The following IFT172 variants were observed in gnomAD, a reference collection of about 807,000 sequenced individuals.
IFT172 encodes intraflagellar transport 172, also known as intraflagellar transport protein 172 homolog.
Under a neutral mutation model 248.9 loss-of-function variants are expected in IFT172, and 164 were observed. That is an observed-to-expected ratio of 0.66 (90% CI 0.58 to 0.75). The LOEUF (loss-of-function observed/expected upper bound fraction) is 0.75, where lower values mean the gene tolerates loss of function less well. Ranked by LOEUF, IFT172 falls within the 30% of genes least tolerant of loss-of-function variation. The pLI, the probability that IFT172 is intolerant of heterozygous loss-of-function variation, is 0.00. For synonymous variants in IFT172, 729 were observed against 791.6 expected, an observed-to-expected ratio of 0.92 and a Z score of 1.33; for missense variants, 1,950 against 2,192.4, an observed-to-expected ratio of 0.89 and a Z score of 2.21.
chr2:27,470,173 A>G (rs1002369169), intron 16 of IFT172, among the ~76,000 whole-genome samples: 3 of 151,366 alleles, frequency 2.0e-5, no homozygotes, highest in Admixed American at 1.3e-4. Flanking sequence ...TGAGCCCAGG[A>G]GGCTGAGCTG....
Position 27,480,143 on chromosome 2 carries a change from C to T in IFT172, c.792G>A (p.Arg264=), listed in dbSNP as rs138730915. ...SVVLGSYDRL[R]VFNWIPRRSI... is the part of the protein sequence containing the mutation. The stretch of plus-strand genomic sequence containing the variant: ...TTCTTCGAGGGATCCAGTTGAACAC[C>T]CGAAGCCTGAAATAAAGTATGTGGC... Residue 264 remains arginine (R), a synonymous_variant, in exon 9 of 48, where the codon CGG becomes CGA. Transcript: ENST00000260570. 6.0e-5 allele frequency: 96 copies of T among 1,613,370 alleles called. No homozygotes were observed. In the Middle Eastern group the frequency reaches 6.6e-4, roughly 11 times the overall value.
chr2:27,483,697 A>C, intron 5 of IFT172, 38 bp from the exon 6 acceptor site: 1 of 1,604,398 alleles, frequency 6.2e-7, no homozygotes, highest in Non-Finnish European at 8.5e-7. Flanking sequence ...TGGTTAGGCT[A>C]TTTTATATTT....
intron 42 of IFT172, among the ~76,000 whole-genome samples, 190 bp downstream of exon 42, chr2:27,447,325 C>T (rs1007332695): frequency 1.3e-5 from 2 of 152,122 alleles, no homozygotes; most frequent in Non-Finnish European, 2.9e-5. Flanking sequence ...GGGCACAGAG[C>T]CCTAAAAAGG....
chr2:27,462,321 C>T (rs1666743795), intron 20 of IFT172, among the ~76,000 whole-genome samples: 1 of 152,154 alleles, frequency 6.6e-6, no homozygotes, highest in South Asian at 2.1e-4. Context: ...GTGTGAGCCA[C>T]CACGCCTGGC....
At chr2:27,451,989 GTATATATA>G (rs68147754) in intron 35 of IFT172, among the ~76,000 whole-genome samples, 9 of 148,510 alleles carry the variant, frequency 6.1e-5, no homozygotes, top group African/African-American at 1.2e-4. Flanking sequence ...ATGTGTGTGT[GTATATATA>G]TATATATATA....
chr2:27,475,934 G>C (rs1343597564), intron 14 of IFT172, among the ~76,000 whole-genome samples: 1 of 151,898 alleles, frequency 6.6e-6, no homozygotes, highest in Non-Finnish European at 1.5e-5. Context: ...GCCTGGCCCA[G>C]AGCCCCATTT....
At position 27,447,631 on chromosome 2, in the gene IFT172, C is replaced by T; in HGVS notation, c.4543G>A (p.Glu1515Lys). The change falls in exon 42 of 48, where the codon GAA becomes AAA. Residue 1515 changes from glutamate to lysine, a missense_variant. Transcript: ENST00000260570. The stretch of plus-strand genomic sequence containing the variant: ...GCCTCACTGGACTTCACCAGGTTTT[C>T]ACACTAGAGGAGGGAGACAGCACAG... ...DLRDVLFNLC[E>K]NLVKSSEANS... 2 of 1,614,160 alleles carry T rather than the reference C, an allele frequency of 1.2e-6. No individual in the cohort carries two copies. Among genetic ancestry groups the T allele is most frequent in the South Asian group, 1.1e-5 (1 of 91,086 alleles).
intron 30 of IFT172, chr2:27,455,779 C>T: frequency 2.1e-6 from 1 of 473,844 alleles, no homozygotes; most frequent in Non-Finnish European, 4.0e-6. Flanking sequence ...TTTTATTGTA[C>T]TGACAACCTC....
intron 25 of IFT172, 137 bp from the exon 26 acceptor site, chr2:27,459,005 G>A: frequency 1.2e-6 from 1 of 833,740 alleles, no homozygotes; most frequent in South Asian, 1.9e-5. Flanking sequence ...GAAAAGATGA[G>A]TATGGGTGTC....
chr2:27,477,919 CT>C (rs1053226673), intron 11 of IFT172, 75 bp downstream of exon 11: 2 of 1,568,568 alleles, frequency 1.3e-6, no homozygotes, highest in African/African-American at 2.7e-5. Flanking sequence ...GAGCTTACCC[CT>C]AGGGATTTTG....
chr2:27,480,210 C>T (rs528593227), intron 8 of IFT172, 61 bp from the exon 9 acceptor site: 10 of 1,531,744 alleles, frequency 6.5e-6, no homozygotes, highest in African/African-American at 5.5e-5. Context: ...TGCAAATGGG[C>T]TGATAACCAA....
At position 27,454,716 on chromosome 2, in the gene IFT172, G is replaced by T. The variant is rs1185232333; in HGVS notation, c.3372-56C>A. 1.0e-5 allele frequency: 15 copies of T among 1,456,160 alleles called. No individual in the cohort carries two copies. Among genetic ancestry groups the T allele is most frequent in the African/African-American group, 2.8e-5 (2 of 71,690 alleles). The allele number at this position is 1,456,160 out of a possible 1,614,324, so 90.2% of individuals were successfully genotyped here. The stretch of plus-strand genomic sequence containing the variant: ...TGCTTCATGCTTCCCTTCATAAAAG[G>T]AACAAGACAAAACAGAGAAAGGACA... On this transcript the variant is annotated intron_variant, in intron 30 of 47. Transcript: ENST00000260570. This position sits in a 1 kb window ranked among gnomAD's most constrained non-coding sequence, Gnocchi z 4.2.
Position 27,446,300 on chromosome 2 carries a change from G to A in IFT172, c.4715C>T (p.Pro1572Leu). 1 of 1,614,228 alleles carries A rather than the reference G, an allele frequency of 6.2e-7. No individual in the cohort carries two copies. The highest frequency in any genetic ancestry group is 8.5e-7 in the Non-Finnish European group (1 of 1,180,042). Residue 1572 changes from proline to leucine, a missense_variant, in exon 43 of 48, where the codon CCT becomes CTT. Coordinates refer to ENST00000260570, the MANE Select transcript of IFT172 (RefSeq NM_015662.3). ...VSLLRHTQLL[P>L]VDKAFYEAGI... ...TGCTTCATAGAAGGCTTTGTCTACA[G>A]GTAGTAGCTGGGTGTGACGCAAGAG...
chr2:27,463,850 A>AG (rs1297236126), intron 18 of IFT172, among the ~76,000 whole-genome samples: 3 of 152,164 alleles, frequency 2.0e-5, no homozygotes, highest in Non-Finnish European at 4.4e-5. Context: ...AAAGGATGCC[A>AG]GTGTGGTTGG....
In IFT172 at chr2:27,461,772, A is replaced by G. The variant is rs1426370080; in HGVS notation, c.2180T>C (p.Val727Ala). The stretch of plus-strand genomic sequence containing the variant: ...TAAAACAGGTACCTTGGCTTCAGCC[A>G]CAGCGATACACTCATCCCAACGGTG... Reference protein sequence around the residue: ...ELHRWDECIAVAEAKGHPALE... With the variant: ...ELHRWDECIAAAEAKGHPALE... Residue 727 changes from valine (V) to alanine (A), a missense_variant, in exon 21 of 48, where the codon GTG (valine) becomes GCG (alanine). Val to Ala is a moderately conservative substitution (Grantham distance 64, BLOSUM62 0). Coordinates refer to ENST00000260570, the MANE Select transcript of IFT172 (RefSeq NM_015662.3). The G allele has an allele frequency of 6.2e-7, 1 of 1,614,206 alleles. No individual in the cohort carries two copies. The highest frequency in any genetic ancestry group is 8.5e-7 in the Non-Finnish European group (1 of 1,180,034).
chr2:27,465,760 A>T lies in IFT172; in HGVS notation c.1815T>A (p.Asp605Glu), dbSNP rs1395027766. 6.2e-7 allele frequency: 1 copy of T among 1,614,096 alleles called. No homozygotes were observed. Among genetic ancestry groups the T allele is most frequent in the Non-Finnish European group, 8.5e-7 (1 of 1,180,004 alleles). ...GLIEFGTAID[D>E]GNYIRATAFL... ...CAGCCTCTCACCGGATGTAGTTGCC[A>T]TCATCAATGGCTGTTCCAAACTCGA... Residue 605 changes from aspartate to glutamate, a missense_variant, in exon 17 of 48, where the codon GAT (aspartate) becomes GAA (glutamate). By Grantham distance (45) the Asp-to-Glu change is conservative (BLOSUM62 2). This residue lies in a region of IFT172 where 1,166 missense variants were observed against 1,254.1 expected (regional missense o/e 0.93). Transcript: ENST00000260570.
chr2:27,479,700 C>T, intron 9 of IFT172, 96 bp from the exon 10 acceptor site: 1 of 865,508 alleles, frequency 1.2e-6, no homozygotes, highest in East Asian at 2.5e-5. Flanking sequence ...GCTCTAGAGT[C>T]TAGAGAAGAG....
chr2:27,479,848 G>A (rs1319858618), intron 9 of IFT172, among the ~76,000 whole-genome samples, 178 bp downstream of exon 9: 1 of 152,218 alleles, frequency 6.6e-6, no homozygotes, highest in Non-Finnish European at 1.5e-5. Flanking sequence ...TGTCCCTTTT[G>A]TGACCTAGGG....
In IFT172 at chr2:27,446,474, AT is replaced by A. The variant is rs11333597; in HGVS notation, c.4660-120del. ...AACAATTATTATTAAACTGCTCTGG[AT>A]TCTCAAGCTGTTCTGGGTCTTAGTT... On this transcript the variant is annotated intron_variant, in intron 42 of 47. Transcript: ENST00000260570. The A allele has an allele frequency of 0.39, 314,311 of 796,060 alleles. 67,711 individuals carry two copies. The highest frequency in any genetic ancestry group is 0.66 in the African/African-American group (37,873 of 57,026). 49.3% of individuals were successfully genotyped at this position (796,060 alleles called of 1,614,324 possible).
Sources: gnomAD v4.1 joint callset for allele counts (sites outside exome capture counted in the v4.1 genomes callset) on GRCh38, gnomAD v4.1.1 for gene constraint, gnomAD v4.1.1 regional missense constraint, Gnocchi (gnomAD v3.1) non-coding constraint, MANE v1.5 for transcripts, NCBI Gene and HGNC (gene_info 2026-07-23, HGNC 2026-07-21) for gene names.